Variants in NUTM2E observed in about 807,000 individuals in gnomAD.
NUTM2E encodes NUT family member 2E.
Under a neutral mutation model 26.1 loss-of-function variants are expected in NUTM2E, and 3 were observed. That is an observed-to-expected ratio of 0.12 (90% CI 0.05 to 0.30). The LOEUF (loss-of-function observed/expected upper bound fraction) is 0.30, where lower values mean the gene tolerates loss of function less well. Among genes scored for constraint, NUTM2E ranks in the 10% least tolerant of loss-of-function variants. NUTM2E has a pLI of 1.00. For missense variants in NUTM2E, 62 were observed against 381.3 expected, an observed-to-expected ratio of 0.16 and a Z score of 6.97; for synonymous variants, 13 against 157.5, an observed-to-expected ratio of 0.08 and a Z score of 6.87.
intron 1 of NUTM2E, among the ~76,000 whole-genome samples, chr10:79,831,996 T>C (rs1841930086): frequency 6.7e-6 from 1 of 149,500 alleles, no homozygotes; most frequent in South Asian, 2.1e-4. Context: ...ATTTTCTCAT[T>C]GTATACTGAC....
rs1841978615 is a variant in NUTM2E at position 79,838,602 on chromosome 10, G to A, written c.-2450+16G>A. On this transcript the variant is annotated intron_variant, in intron 2 of 9. Coordinates refer to ENST00000429984, the MANE Select transcript of NUTM2E (RefSeq NM_001355263.2). ...TCAGGGCCAGGTGAGCAAGGGAAAG[G>A]AGCGCGGCCTGGGCATCCCGCAGGG... Among the ~76,000 whole-genome samples, 1 of 148,776 alleles carries A rather than the reference G, an allele frequency of 6.7e-6. No homozygotes were observed. The highest frequency in any genetic ancestry group is 1.5e-5 in the Non-Finnish European group (1 of 66,878).
At chr10:79,832,857 A>C (rs1338741340) in intron 1 of NUTM2E, among the ~76,000 whole-genome samples, 24 of 151,752 alleles carry the variant, frequency 1.6e-4, no homozygotes, top group Admixed American at 1.6e-3. Context: ...AAGAATGAGA[A>C]ACAGTGTATG....
intron 1 of NUTM2E, among the ~76,000 whole-genome samples, chr10:79,837,194 A>G (rs1294716136): frequency 6.6e-6 from 1 of 151,936 alleles, no homozygotes; most frequent in Non-Finnish European, 1.5e-5. Context: ...AATCCTCAGT[A>G]TGTTACATTT....
chr10:79,832,831 T>G lies in NUTM2E; in HGVS notation c.-2728+5474T>G, dbSNP rs551189681. Among the ~76,000 whole-genome samples, 253 of 151,780 alleles carry G rather than the reference T, an allele frequency of 1.7e-3. 11 individuals are homozygous for G. The highest frequency in any genetic ancestry group is 2.4e-4 in the Non-Finnish European group (16 of 67,888). On this transcript the variant is annotated intron_variant, in intron 1 of 9. Coordinates refer to ENST00000429984, the MANE Select transcript of NUTM2E (RefSeq NM_001355263.2). ...AAAAAACAGCCATAACTAAACCAAG[T>G]ACAGATAAAGGAAATAAGAATGAGA...
At chr10:79,837,362 G>A (rs1841970074) in intron 1 of NUTM2E, among the ~76,000 whole-genome samples, 1 of 152,020 alleles carries the variant, frequency 6.6e-6, no homozygotes, top group Non-Finnish European at 1.5e-5. Flanking sequence ...ATATAAAGCT[G>A]TCTTTAAATA....
At chr10:79,845,551 T>C (rs1163405983) in intron 5 of NUTM2E, among the ~76,000 whole-genome samples, 1 of 107,412 alleles carries the variant, frequency 9.3e-6, no homozygotes, top group Non-Finnish European at 2.4e-5. Flanking sequence ...CAGTTACGAT[T>C]ACTGTCCCCA....
chr10:79,831,976 G>T (rs1841929878), intron 1 of NUTM2E, among the ~76,000 whole-genome samples: 1 of 151,998 alleles, frequency 6.6e-6, no homozygotes, highest in East Asian at 1.9e-4. Context: ...TTCTTTGTTT[G>T]CACATGGCCA....
chr10:79,827,302 A>C lies in NUTM2E; in HGVS notation c.-2783A>C, dbSNP rs1841890864. On this transcript the variant is annotated 5_prime_UTR_variant, in exon 1 of 10. Coordinates refer to ENST00000429984, the MANE Select transcript of NUTM2E (RefSeq NM_001355263.2). ...ATTGATCACATTCTTCAGCTCTAGC[A>C]GTGCAAAGGCTTCACTGAAAAAGAA... 6.5e-6 allele frequency: 1 copy of C among 153,272 alleles called. No homozygotes were observed. The highest frequency in any genetic ancestry group is 6.6e-5 in the Admixed American group (1 of 15,206). 9.5% of individuals were successfully genotyped at this position (153,272 alleles called of 1,614,324 possible).
chr10:79,828,733 G>A (rs1368691643), intron 1 of NUTM2E, among the ~76,000 whole-genome samples: 4 of 151,834 alleles, frequency 2.6e-5, no homozygotes, highest in Non-Finnish European at 5.9e-5. Context: ...GGGTAACTTT[G>A]AGCAAGTTTT....
chr10:79,831,120 A>G (rs1165978792), intron 1 of NUTM2E, among the ~76,000 whole-genome samples: 5 of 151,900 alleles, frequency 3.3e-5, no homozygotes, highest in African/African-American at 7.2e-5. Flanking sequence ...TTTAAACTCA[A>G]TCACCTCTAG....
chr10:79,839,454 G>A (rs1193049874), intron 3 of NUTM2E, among the ~76,000 whole-genome samples, 174 bp from the exon 4 acceptor site: 2 of 151,006 alleles, frequency 1.3e-5, no homozygotes, highest in African/African-American at 4.9e-5. Flanking sequence ...AATTTCAGTC[G>A]ATAAAGCAGC....
chr10:79,833,236 C>T (rs1841937873), intron 1 of NUTM2E, among the ~76,000 whole-genome samples: 1 of 151,752 alleles, frequency 6.6e-6, no homozygotes, highest in Non-Finnish European at 1.5e-5. Flanking sequence ...TAAAGCGTTA[C>T]CATTAAAGTT....
intron 1 of NUTM2E, among the ~76,000 whole-genome samples, chr10:79,828,537 C>T (rs1206850991): frequency 2.0e-5 from 3 of 151,776 alleles, no homozygotes; most frequent in African/African-American, 7.3e-5. Context: ...TGCCCTTTTG[C>T]TTGGGACTGT....
At chr10:79,828,931 C>A (rs1589305156) in intron 1 of NUTM2E, among the ~76,000 whole-genome samples, 2 of 151,804 alleles carry the variant, frequency 1.3e-5, no homozygotes, top group East Asian at 3.9e-4. Context: ...TGGTGATGAA[C>A]AGCTAAAGAG....
At chr10:79,845,234 T>C (rs1317748999) in intron 5 of NUTM2E, among the ~76,000 whole-genome samples, 5 of 111,730 alleles carry the variant, frequency 4.5e-5, no homozygotes, top group East Asian at 2.2e-4. Flanking sequence ...TAACCCAGTA[T>C]TGATGGCCAG....
At chr10:79,833,453 AATCT>A (rs199822062) in intron 1 of NUTM2E, among the ~76,000 whole-genome samples, 4,209 of 151,246 alleles carry the variant, frequency 0.028, 130 homozygotes, top group Non-Finnish European at 0.042. Context: ...AAAATTTTGC[AATCT>A]ATCCATCTGG....
At chr10:79,836,856 A>G (rs1589307834) in intron 1 of NUTM2E, among the ~76,000 whole-genome samples, 1 of 152,040 alleles carries the variant, frequency 6.6e-6, no homozygotes, top group Non-Finnish European at 1.5e-5. Context: ...CTATTAGTTC[A>G]TGCCCAGAAA....
intron 1 of NUTM2E, among the ~76,000 whole-genome samples, chr10:79,836,968 G>A (rs1307744353): frequency 2.0e-5 from 3 of 151,576 alleles, no homozygotes; most frequent in South Asian, 2.1e-4. Flanking sequence ...AACACTAGAG[G>A]AAATATTTCT....
Position 79,838,821 on chromosome 10 carries a change from T to C in NUTM2E, c.-2408T>C, listed in dbSNP as rs1841980462. On this transcript the variant is annotated 5_prime_UTR_variant, in exon 3 of 10. Transcript: ENST00000429984. ...CGCCATGAGAGCGAAGGCCGTTGGG[T>C]CACCGCCCTTTGCTCTCGCGCTGCG... 6.6e-6 allele frequency among the ~76,000 whole-genome samples: 1 copy of C among 151,638 alleles called. No homozygotes were observed. Among genetic ancestry groups the C allele is most frequent in the Non-Finnish European group, 1.5e-5 (1 of 67,854 alleles).
Sources: allele counts gnomAD v4.1 joint callset (sites outside exome capture counted in the v4.1 genomes callset), GRCh38; gene constraint gnomAD v4.1.1; transcripts MANE v1.5; gene names NCBI Gene and HGNC (gene_info 2026-07-23, HGNC 2026-07-21).